MSH3: variants seen among roughly 807,000 people sequenced by gnomAD.
The protein encoded by MSH3 is DNA mismatch repair protein Msh3.
In MSH3, 106 loss-of-function variants were observed where a neutral mutation model predicts 123.3. The observed-to-expected ratio is 0.86, with a 90% CI of 0.73 to 1.01. The LOEUF (loss-of-function observed/expected upper bound fraction) is 1.01, where lower values mean the gene tolerates loss of function less well. Among genes scored for constraint, MSH3 ranks in the 50% least tolerant of loss-of-function variants. MSH3 has a pLI of 0.00. For missense variants in MSH3, 1,459 were observed against 1,347.6 expected (o/e 1.08, Z -1.29); for synonymous variants, 515 against 481.4 (o/e 1.07, Z -0.91).
chr5:80,761,349 G>A (rs1160040989), intron 12 of MSH3, among the ~76,000 whole-genome samples, 197 bp from the exon 13 acceptor site: 1 of 152,144 alleles, frequency 6.6e-6, no homozygotes, highest in Non-Finnish European at 1.5e-5. Context: ...CTCCACCCCA[G>A]TGCACCCTCC....
chr5:80,762,766 T>A (rs1317588245), intron 13 of MSH3, among the ~76,000 whole-genome samples: 43 of 149,312 alleles, frequency 2.9e-4, no homozygotes, highest in African/African-American at 8.3e-4. Flanking sequence ...TTTTATTTTA[T>A]TTTATTTTAA....
Position 80,728,877 on chromosome 5 carries a change from A to C in MSH3, c.1480A>C (p.Asn494His). The change falls in exon 10 of 24, where the codon AAC (asparagine) becomes CAC (histidine). Residue 494 changes from asparagine to histidine, a missense_variant. Coordinates refer to ENST00000265081, the MANE Select transcript of MSH3 (RefSeq NM_002439.5). ...TTCTCAAATTATTTCTGGCATTGTT[A>C]ACTTAGAGAAGCCTGTGATTTGCTC... is the stretch of plus-strand genomic sequence containing the variant. ...KGSQIISGIVNLEKPVICSLA... is the reference protein window; with the variant it reads ...KGSQIISGIVHLEKPVICSLA... 6.2e-7 allele frequency: 1 copy of C among 1,607,060 alleles called. No homozygotes were observed. The highest frequency in any genetic ancestry group is 8.5e-7 in the Non-Finnish European group (1 of 1,173,978).
intron 8 of MSH3, among the ~76,000 whole-genome samples, chr5:80,719,920 G>A (rs555528552): frequency 9.2e-5 from 14 of 152,170 alleles, no homozygotes; most frequent in Non-Finnish European, 1.8e-4. Flanking sequence ...CGAGTACTGG[G>A]CCTCACTGGC....
intron 3 of MSH3, among the ~76,000 whole-genome samples, chr5:80,665,976 C>T (rs1216496222): frequency 6.6e-6 from 1 of 152,172 alleles, no homozygotes; most frequent in African/African-American, 2.4e-5. Context: ...CAAAAATTGC[C>T]ATTAAGAACC....
chr5:80,783,301 C>A (rs1744441273), intron 17 of MSH3, among the ~76,000 whole-genome samples: 1 of 152,110 alleles, frequency 6.6e-6, no homozygotes, highest in Admixed American at 6.6e-5. Flanking sequence ...TGTTGTTATG[C>A]TATAAACCCA....
chr5:80,865,944 G>A (rs1189928124), intron 22 of MSH3, among the ~76,000 whole-genome samples: 2 of 152,170 alleles, frequency 1.3e-5, no homozygotes, highest in Non-Finnish European at 2.9e-5. Context: ...TATGGAAGTA[G>A]TTTTGTATCT....
rs192291387 is a variant in MSH3, at chr5:80,847,100, C to T, written c.2814-7030C>T. On this transcript the variant is annotated intron_variant, in intron 20 of 23. Transcript: ENST00000265081. ...TCTGAGACAGATTCTCGCTCTCTTG[C>T]CCAGTCTGGAGTGCAGTGGTGCAAC... Among the ~76,000 whole-genome samples, 184 of 152,184 alleles carry T rather than the reference C, an allele frequency of 1.2e-3. 1 individual carries two copies. Among genetic ancestry groups the T allele is most frequent in the African/African-American group, 4.3e-3 (178 of 41,506 alleles).
chr5:80,789,117 G>A (rs1447984103), intron 18 of MSH3, among the ~76,000 whole-genome samples: 1 of 152,040 alleles, frequency 6.6e-6, no homozygotes, highest in East Asian at 1.9e-4. Context: ...AATCTTCCTG[G>A]TAAATCATAT....
chr5:80,832,125 AAAAAAAC>A (rs1335649015), intron 20 of MSH3, among the ~76,000 whole-genome samples: 2 of 151,914 alleles, frequency 1.3e-5, no homozygotes, highest in African/African-American at 2.4e-5. Flanking sequence ...ACAAAAAAAC[AAAAAAAC>A]AAAAAAAACT....
chr5:80,777,455 C>A (rs555127273), intron 16 of MSH3, among the ~76,000 whole-genome samples: 15 of 152,246 alleles, frequency 9.9e-5, no homozygotes, highest in African/African-American at 3.6e-4. Flanking sequence ...CCATGTTAGT[C>A]TATCTACAAC....
intron 20 of MSH3, among the ~76,000 whole-genome samples, chr5:80,845,672 C>T (rs1254284255): frequency 6.6e-6 from 1 of 152,106 alleles, no homozygotes; most frequent in East Asian, 1.9e-4. Flanking sequence ...CGCTGATATC[C>T]TTTCTTCCAC....
At chr5:80,736,719 C>A (rs1339737701) in intron 10 of MSH3, among the ~76,000 whole-genome samples, 1 of 152,128 alleles carries the variant, frequency 6.6e-6, no homozygotes, top group Non-Finnish European at 1.5e-5. Flanking sequence ...ACCAGTCCGG[C>A]ATAGAAACCA....
intron 17 of MSH3, among the ~76,000 whole-genome samples, chr5:80,779,553 T>TC (rs976135284): frequency 6.8e-6 from 1 of 146,792 alleles, no homozygotes; most frequent in African/African-American, 2.5e-5. Flanking sequence ...AACATTAATT[T>TC]TTTTTTTTTT....
At chr5:80,753,302 C>T (rs948134118) in intron 12 of MSH3, among the ~76,000 whole-genome samples, 8 of 152,156 alleles carry the variant, frequency 5.3e-5, no homozygotes, top group African/African-American at 1.9e-4. Flanking sequence ...CTTGCACTGT[C>T]AGTTTCTAGG....
At chr5:80,749,815 T>C (rs1251136601) in intron 12 of MSH3, among the ~76,000 whole-genome samples, 1 of 152,132 alleles carries the variant, frequency 6.6e-6, no homozygotes, top group African/African-American at 2.4e-5. Context: ...CAGAACTTGT[T>C]CTTGTCTAAC....
intron 8 of MSH3, among the ~76,000 whole-genome samples, chr5:80,679,933 C>T (rs553619379): frequency 6.6e-6 from 1 of 152,048 alleles, no homozygotes; most frequent in Non-Finnish European, 1.5e-5. Flanking sequence ...CAGAGAAGCC[C>T]ATGAGGATTT....
chr5:80,711,033 ACAAAAC>A (rs545313913), intron 8 of MSH3, among the ~76,000 whole-genome samples: 281 of 152,356 alleles, frequency 1.8e-3, no homozygotes, highest in African/African-American at 6.5e-3. Flanking sequence ...ACCTTTAAAA[ACAAAAC>A]CAAAACCAAC....
In MSH3 at chr5:80,873,119, C is replaced by T; in HGVS notation, c.3134C>T (p.Ala1045Val). 1.2e-6 allele frequency: 2 copies of T among 1,613,126 alleles called. No individual in the cohort carries two copies. Among genetic ancestry groups the T allele is most frequent in the East Asian group, 4.5e-5 (2 of 44,812 alleles). Residue 1045 changes from alanine to valine, a missense_variant, in exon 23 of 24, where the codon GCA becomes GTA. Ala to Val is a moderately conservative substitution (Grantham distance 64, BLOSUM62 0). Coordinates refer to ENST00000265081, the MANE Select transcript of MSH3 (RefSeq NM_002439.5). ...ATCTCCTTTCTTTATTTCACAGGCG[C>T]AGCAGAACAAGTCCCTGATTTTGTC... The part of the protein sequence containing the change: ...SEDESKLDPG[A>V]AEQVPDFVTF...
Position 80,667,153 on chromosome 5 carries a change from G to T in MSH3, c.579+1790G>T, listed in dbSNP as rs1289680223. On this transcript the variant is annotated intron_variant, in intron 3 of 23. Transcript: ENST00000265081. ...TGATTTAATTGTTAGCATCCCATAA[G>T]GATAAAACTTTTTTTTCCTGGAAGC... is the stretch of plus-strand genomic sequence containing the variant. Among the ~76,000 whole-genome samples the T allele has an allele frequency of 2.0e-5, 3 of 151,956 alleles. No homozygotes were observed. In the East Asian group the frequency reaches 5.8e-4, roughly 29 times the overall value.
Sources: gnomAD v4.1 joint callset for allele counts (sites outside exome capture counted in the v4.1 genomes callset) on GRCh38, gnomAD v4.1.1 for gene constraint, MANE v1.5 for transcripts, NCBI Gene and HGNC (gene_info 2026-07-23, HGNC 2026-07-21) for gene names.